The following HS6ST3 variants were observed in gnomAD, a reference collection of about 807,000 sequenced individuals.
HS6ST3 encodes heparan sulfate 6-O-sulfotransferase 3, also known as heparan-sulfate 6-O-sulfotransferase 3.
HS6ST3 carries 12 observed loss-of-function variants against 36.7 expected under a neutral mutation model. The observed-to-expected ratio is 0.33, with a 90% confidence interval of 0.21 to 0.53. The LOEUF is 0.53. Ranked by LOEUF, HS6ST3 falls within the 20% of genes least tolerant of loss-of-function variation. The pLI, the probability that HS6ST3 is intolerant of heterozygous loss-of-function variation, is 0.95. For missense variants in HS6ST3, 584 were observed against 640.9 expected (o/e 0.91, Z 0.96); for synonymous variants, 240 against 257.5 (o/e 0.93, Z 0.65).
intron 1 of HS6ST3, among the ~76,000 whole-genome samples, chr13:96,556,361 T>C (rs2056240751): frequency 6.6e-6 from 1 of 152,204 alleles, no homozygotes. Flanking sequence ...GTTTTAGTGC[T>C]AGTTGTGGTA....
intron 1 of HS6ST3, among the ~76,000 whole-genome samples, chr13:96,292,396 G>C (rs2054834542): frequency 6.6e-6 from 1 of 151,970 alleles, no homozygotes; most frequent in South Asian, 2.1e-4. Context: ...GCCGTGGAGT[G>C]ATTCATCATG....
chr13:96,173,220 A>G (rs1048259480), intron 1 of HS6ST3, among the ~76,000 whole-genome samples: 1 of 152,282 alleles, frequency 6.6e-6, no homozygotes, highest in Admixed American at 6.5e-5. Flanking sequence ...GTATCTCTGT[A>G]AACTAGGTGT....
chr13:96,771,049 C>T (rs1877250875), intron 1 of HS6ST3, among the ~76,000 whole-genome samples: 1 of 152,008 alleles, frequency 6.6e-6, no homozygotes, highest in Admixed American at 6.5e-5. Context: ...GTGAGTAGTG[C>T]CACAATAAAC....
chr13:96,386,465 T>C (rs1270279208), intron 1 of HS6ST3, among the ~76,000 whole-genome samples: 1 of 152,178 alleles, frequency 6.6e-6, no homozygotes, highest in East Asian at 1.9e-4. Context: ...TTTTTTTTGT[T>C]CTTTTCCCCC....
chr13:96,100,566 G>GTCT (rs2053813366), intron 1 of HS6ST3, among the ~76,000 whole-genome samples: 1 of 152,176 alleles, frequency 6.6e-6, no homozygotes, highest in Non-Finnish European at 1.5e-5. Context: ...TTCAGTAGTA[G>GTCT]GAGAGAGCCG....
At chr13:96,747,939 G>A (rs928580085) in intron 1 of HS6ST3, among the ~76,000 whole-genome samples, 1 of 152,042 alleles carries the variant, frequency 6.6e-6, no homozygotes, top group Admixed American at 6.6e-5. Context: ...TATTGCAAGT[G>A]TCAGGAATTC....
At chr13:96,675,287 A>G (rs1454777894) in intron 1 of HS6ST3, among the ~76,000 whole-genome samples, 1 of 152,004 alleles carries the variant, frequency 6.6e-6, no homozygotes, top group Non-Finnish European at 1.5e-5. Context: ...ACATTTTCTG[A>G]TTTTGAGATG....
intron 1 of HS6ST3, among the ~76,000 whole-genome samples, chr13:96,675,821 G>A (rs1394112480): frequency 6.6e-6 from 1 of 152,166 alleles, no homozygotes; most frequent in Non-Finnish European, 1.5e-5. Flanking sequence ...CTCTCCCTGT[G>A]ATGTCACTTA....
At chr13:96,623,164 G>A (rs1000529879) in intron 1 of HS6ST3, among the ~76,000 whole-genome samples, 1 of 152,044 alleles carries the variant, frequency 6.6e-6, no homozygotes, top group Admixed American at 6.6e-5. Flanking sequence ...GTAAGCATTA[G>A]GGTGGAGGTA....
rs549143472 is a variant in HS6ST3 at position 96,405,587 on chromosome 13, G to T, written c.707+314018G>T. Among the ~76,000 whole-genome samples, 6 of 152,270 alleles carry T rather than the reference G, an allele frequency of 3.9e-5. No individual in the cohort carries two copies. The East Asian group carries it at 9.6e-4, about 24-fold the overall frequency. On this transcript the variant is annotated intron_variant, in intron 1 of 1. Coordinates refer to ENST00000376705, the MANE Select transcript of HS6ST3 (RefSeq NM_153456.4). ...TGAGTACTGAATAATTATCTTTCTT[G>T]ATAGAGTGCTACAAACACTTTTTCT...
chr13:96,753,113 T>A (rs1383516188), intron 1 of HS6ST3, among the ~76,000 whole-genome samples: 1 of 152,222 alleles, frequency 6.6e-6, no homozygotes, highest in Non-Finnish European at 1.5e-5. Flanking sequence ...TTTTTATCTA[T>A]CCTTGTAATA....
In HS6ST3 at chr13:96,646,262, G is replaced by T. The variant is rs150506869; in HGVS notation, c.708-186228G>T. 1.3e-4 allele frequency among the ~76,000 whole-genome samples: 20 copies of T among 152,106 alleles called. No individual in the cohort carries two copies. In the East Asian group the frequency reaches 3.9e-3, roughly 30 times the overall value. ...TTTTATGTGTCTTTCCATGATGAAT[G>T]CCAGTGCTGGGAAATGAAGAGCTCT... On this transcript the variant is annotated intron_variant, in intron 1 of 1. Transcript: ENST00000376705.
chr13:96,174,258 A>C (rs1390717652), intron 1 of HS6ST3, among the ~76,000 whole-genome samples: 1 of 152,236 alleles, frequency 6.6e-6, no homozygotes, highest in South Asian at 2.1e-4. Flanking sequence ...TTTTCTGCCT[A>C]TATGTTTATA....
chr13:96,225,562 A>G (rs1041645931), intron 1 of HS6ST3, among the ~76,000 whole-genome samples: 1 of 152,206 alleles, frequency 6.6e-6, no homozygotes, highest in Non-Finnish European at 1.5e-5. Flanking sequence ...AGTACTAGAA[A>G]AGGGAAGCAA....
intron 1 of HS6ST3, among the ~76,000 whole-genome samples, chr13:96,788,259 TA>T (rs2138518475): frequency 6.6e-6 from 1 of 152,086 alleles, no homozygotes; most frequent in African/African-American, 2.4e-5. Context: ...GCAACTTACC[TA>T]TATCTATGAG....
chr13:96,178,136 G>A (rs928473511), intron 1 of HS6ST3, among the ~76,000 whole-genome samples: 7 of 152,280 alleles, frequency 4.6e-5, no homozygotes, highest in Middle Eastern at 3.4e-3. Flanking sequence ...GAGGTGGATA[G>A]GGTACAAGAT....
chr13:96,621,550 A>G (rs2056495190), intron 1 of HS6ST3, among the ~76,000 whole-genome samples: 1 of 152,124 alleles, frequency 6.6e-6, no homozygotes, highest in Admixed American at 6.5e-5. Flanking sequence ...TATTCTTTAT[A>G]GTGTGAAAAC....
intron 1 of HS6ST3, among the ~76,000 whole-genome samples, chr13:96,604,524 C>T (rs1286913402): frequency 2.0e-5 from 3 of 151,992 alleles, no homozygotes; most frequent in Non-Finnish European, 4.4e-5. Flanking sequence ...CAGAAAAGAA[C>T]CTTTCTCTGT....
Position 96,820,468 on chromosome 13 carries a change from G to A in HS6ST3, c.708-12022G>A, listed in dbSNP as rs374902133. Among the ~76,000 whole-genome samples the A allele has an allele frequency of 5.1e-4, 78 of 152,260 alleles. 1 individual carries two copies. In the South Asian group the frequency reaches 0.013, roughly 25 times the overall value. ...CTAATAATCATGGAGAAGGGAGAAC[G>A]TTGAAGTGCGGAGTGTGTATATAAA... is the stretch of plus-strand genomic sequence containing the variant. On this transcript the variant is annotated intron_variant, in intron 1 of 1. Coordinates refer to ENST00000376705, the MANE Select transcript of HS6ST3 (RefSeq NM_153456.4).
Sources: allele counts gnomAD v4.1 joint callset (sites outside exome capture counted in the v4.1 genomes callset), GRCh38; gene constraint gnomAD v4.1.1; transcripts MANE v1.5; gene names NCBI Gene and HGNC (gene_info 2026-07-23, HGNC 2026-07-21).